Variants in PPP1R9A observed in about 807,000 individuals in gnomAD.
PPP1R9A encodes neurabin-1.
A neutral mutation model predicts 141.9 loss-of-function variants in PPP1R9A; 59 were observed. The observed-to-expected ratio is 0.42, with a 90% CI of 0.34 to 0.52. The LOEUF is 0.52. Among genes scored for constraint, PPP1R9A ranks in the 20% least tolerant of loss-of-function variants. PPP1R9A has a pLI of 0.10. For synonymous variants in PPP1R9A, 500 were observed against 569.7 expected (o/e 0.88, Z 1.74); for missense variants, 1,444 against 1,611.9 (o/e 0.90, Z 1.78).
chr7:95,121,446 T>TGTC (rs1341494071), intron 4 of PPP1R9A, among the ~76,000 whole-genome samples: 11 of 95,202 alleles, frequency 1.2e-4, no homozygotes, highest in African/African-American at 4.0e-4. Context: ...GCTATTTGTC[T>TGTC]GTCTGTCTGT....
At chr7:95,044,970 G>A (rs888390323) in intron 2 of PPP1R9A, among the ~76,000 whole-genome samples, 8 of 151,990 alleles carry the variant, frequency 5.3e-5, no homozygotes, top group Non-Finnish European at 1.0e-4. Flanking sequence ...CAATAAAAAT[G>A]ATGAAAATAA....
At chr7:95,255,382 C>A (rs1292704120) in intron 12 of PPP1R9A, among the ~76,000 whole-genome samples, 1 of 152,056 alleles carries the variant, frequency 6.6e-6, no homozygotes, top group Non-Finnish European at 1.5e-5. Flanking sequence ...TTGTGCATAT[C>A]CCATAGAGAT....
chr7:95,234,554 C>T (rs1796419183), intron 8 of PPP1R9A, among the ~76,000 whole-genome samples: 1 of 152,162 alleles, frequency 6.6e-6, no homozygotes, highest in Non-Finnish European at 1.5e-5. Flanking sequence ...GAAACACATT[C>T]CATGCTCATG....
chr7:94,912,191 A>C (rs1562981993), intron 2 of PPP1R9A, among the ~76,000 whole-genome samples: 1 of 152,216 alleles, frequency 6.6e-6, no homozygotes, highest in East Asian at 1.9e-4. Context: ...TCATGGATTT[A>C]TTTTTACCTC....
chr7:95,220,476 G>A (rs963938327), intron 7 of PPP1R9A, among the ~76,000 whole-genome samples: 1 of 152,026 alleles, frequency 6.6e-6, no homozygotes, highest in Non-Finnish European at 1.5e-5. Flanking sequence ...AACAACAAGA[G>A]AAAATCCCCA....
chr7:95,046,414 T>C (rs1399794327), intron 2 of PPP1R9A, among the ~76,000 whole-genome samples: 1 of 152,214 alleles, frequency 6.6e-6, no homozygotes, highest in Admixed American at 6.5e-5. Context: ...AGTATTTCTA[T>C]TAAATGTTTC....
chr7:95,266,907 A>G (rs1801389132), intron 12 of PPP1R9A, among the ~76,000 whole-genome samples: 1 of 152,126 alleles, frequency 6.6e-6, no homozygotes, highest in Non-Finnish European at 1.5e-5. Context: ...TATCGGAAGG[A>G]GGAAATTAAA....
At chr7:95,283,603 A>C (rs1355444949) in intron 16 of PPP1R9A, among the ~76,000 whole-genome samples, 15 of 152,208 alleles carry the variant, frequency 9.9e-5, no homozygotes, top group Non-Finnish European at 2.1e-4. Context: ...GACCCTTCGG[A>C]ACACAAGTCC....
At chr7:94,907,735 C>T (rs1003946786) in intron 1 of PPP1R9A, 33 bp downstream of exon 1, 5 of 152,458 alleles carry the variant, frequency 3.3e-5, no homozygotes, top group East Asian at 1.9e-4. Context: ...CTTCCTCACC[C>T]CCGCGGCCTC....
intron 8 of PPP1R9A, among the ~76,000 whole-genome samples, chr7:95,231,232 T>C (rs1023076872): frequency 1.3e-5 from 2 of 152,104 alleles, no homozygotes; most frequent in African/African-American, 4.8e-5. Context: ...CAGCTAACAC[T>C]GGAGCTCCGA....
intron 2 of PPP1R9A, among the ~76,000 whole-genome samples, chr7:95,078,531 T>G (rs1815236384): frequency 6.6e-6 from 1 of 152,138 alleles, no homozygotes; most frequent in Non-Finnish European, 1.5e-5. Flanking sequence ...GTATTTCTAG[T>G]TCTAGATCCC....
intron 4 of PPP1R9A, among the ~76,000 whole-genome samples, chr7:95,149,345 G>T (rs1828223498): frequency 6.6e-6 from 1 of 152,046 alleles, no homozygotes; most frequent in East Asian, 1.9e-4. Flanking sequence ...ACTAGACAAT[G>T]ATATCCTTTC....
In PPP1R9A at chr7:94,909,978, C is replaced by G. The variant is rs1258641307; in HGVS notation, c.-136C>G. On this transcript the variant is annotated 5_prime_UTR_variant, in exon 2 of 20. Coordinates refer to ENST00000433360, the MANE Select transcript of PPP1R9A (RefSeq NM_001166160.2). ...TAAGTTCCTAATACACCTGTTGGGA[C>G]GATCACTGACACCGTATACCATTTG... 11 of 695,586 alleles carry G rather than the reference C, an allele frequency of 1.6e-5. No homozygotes were observed. In the South Asian group the frequency reaches 2.4e-4, roughly 15 times the overall value. The allele number at this position is 695,586 out of a possible 1,614,324, so 43.1% of individuals were successfully genotyped here.
intron 2 of PPP1R9A, among the ~76,000 whole-genome samples, chr7:94,930,286 A>G (rs1319235131): frequency 6.6e-6 from 1 of 152,150 alleles, no homozygotes. Context: ...GCTTCAGAGA[A>G]AGTTTGGAGA....
chr7:95,066,061 A>G (rs1485518639), intron 2 of PPP1R9A, among the ~76,000 whole-genome samples: 1 of 152,178 alleles, frequency 6.6e-6, no homozygotes, highest in Non-Finnish European at 1.5e-5. Flanking sequence ...TTAAAGTCCC[A>G]AACCCCAGCA....
In PPP1R9A at chr7:95,295,797, T is replaced by C. The variant is rs951705729; in HGVS notation, c.*5494T>C. On this transcript the variant is annotated 3_prime_UTR_variant, in exon 20 of 20. Coordinates refer to ENST00000433360, the MANE Select transcript of PPP1R9A (RefSeq NM_001166160.2). ...AGAATTAAGAGGCACTCCAGCCAGA[T>C]AACACCTCCCAACAACATGAAATTT... is the stretch of plus-strand genomic sequence containing the variant. The C allele has an allele frequency of 6.6e-6, 1 of 152,520 alleles. No homozygotes were observed. Among genetic ancestry groups the C allele is most frequent in the Non-Finnish European group, 1.5e-5 (1 of 68,036 alleles). The allele number at this position is 152,520 out of a possible 1,614,324, so 9.4% of individuals were successfully genotyped here. A position where few individuals can be genotyped will look rare whatever the true frequency, so the allele number is the denominator to read the frequency against.
rs1339659363 is a variant in PPP1R9A at position 95,284,397 on chromosome 7, A to G, written c.3609+67A>G. 3 of 1,308,746 alleles carry G rather than the reference A, an allele frequency of 2.3e-6. No homozygotes were observed. In the African/African-American group the frequency reaches 4.5e-5, roughly 20 times the overall value. 81.1% of individuals were successfully genotyped at this position (1,308,746 alleles called of 1,614,324 possible). On this transcript the variant is annotated intron_variant, in intron 17 of 19. Transcript: ENST00000433360. Reference sequence around the variant, plus strand: ...GGGGAAAAGAAAGCCTCATTTAACTACCACCTTCTTTAATGCTGTTTCATT... The same window carrying G: ...GGGGAAAAGAAAGCCTCATTTAACTGCCACCTTCTTTAATGCTGTTTCATT...
rs764647753 is a variant in PPP1R9A at position 95,247,542 on chromosome 7, T to G, written c.2166+16T>G. 6.3e-7 allele frequency: 1 copy of G among 1,591,992 alleles called. No individual in the cohort carries two copies. Among genetic ancestry groups the G allele is most frequent in the South Asian group, 1.1e-5 (1 of 89,428 alleles). Reference sequence around the variant, plus strand: ...GAAGACCAAGGTAAGCACCGAAACATGGTGTTTGAATTTTACTTTTTAAAC... The same window carrying G: ...GAAGACCAAGGTAAGCACCGAAACAGGGTGTTTGAATTTTACTTTTTAAAC... On this transcript the variant is annotated intron_variant, in intron 9 of 19. Coordinates refer to ENST00000433360, the MANE Select transcript of PPP1R9A (RefSeq NM_001166160.2).
Position 95,019,779 on chromosome 7 carries a change from A to G in PPP1R9A, c.1396-91480A>G, listed in dbSNP as rs962927345. 1.1e-4 allele frequency among the ~76,000 whole-genome samples: 16 copies of G among 151,978 alleles called. No homozygotes were observed. In the East Asian group the frequency reaches 2.1e-3, roughly 20 times the overall value. ...TATATATCGCTGAAGTAAATGTAAA[A>G]CAGTAAACAGTTTGGCAATTGCTTG... On this transcript the variant is annotated intron_variant, in intron 2 of 19. Transcript: ENST00000433360.
Sources: allele counts gnomAD v4.1 joint callset (sites outside exome capture counted in the v4.1 genomes callset), GRCh38; gene constraint gnomAD v4.1.1; transcripts MANE v1.5; gene names NCBI Gene and HGNC (gene_info 2026-07-23, HGNC 2026-07-21).